The following PRRC2A variants were observed in gnomAD, a reference collection of about 807,000 sequenced individuals.
PRRC2A encodes protein PRRC2A.
In PRRC2A, 59 loss-of-function variants were observed where a neutral mutation model predicts 224.6. The observed-to-expected ratio is 0.26, with a 90% CI of 0.21 to 0.33. The LOEUF (loss-of-function observed/expected upper bound fraction) is 0.33. Among genes scored for constraint, PRRC2A ranks in the 10% least tolerant of loss-of-function variants. The pLI, the probability that PRRC2A is intolerant of heterozygous loss-of-function variation, is 1.00. For synonymous variants in PRRC2A, 1,194 were observed against 1,109.5 expected (o/e 1.08, Z -1.51); for missense variants, 3,095 against 2,880.7 (o/e 1.07, Z -1.70).
chr6:31,634,078 TC>T, intron 18 of PRRC2A, 89 bp downstream of exon 18: 1 of 1,578,158 alleles, frequency 6.3e-7, no homozygotes, highest in Non-Finnish European at 8.6e-7. Flanking sequence ...CTTTCCTGTT[TC>T]TTTCACTGTG....
At position 31,624,301 on chromosome 6, in the gene PRRC2A, C is replaced by T. The variant is rs1775642245; in HGVS notation, c.331C>T (p.Leu111=). 3.7e-6 allele frequency: 6 copies of T among 1,613,904 alleles called. No individual in the cohort carries two copies. The highest frequency in any genetic ancestry group is 5.1e-6 in the Non-Finnish European group (6 of 1,180,024). The part of the protein sequence containing the change: ...STAQPPESQP[L]PASQTPASNQ... ...CGCTCAGCCGCCGGAATCGCAGCCA[C>T]TGCCGGCTTCACAGACGCCTGCCTC... The change falls in exon 4 of 31, where the codon CTG becomes TTG. Residue 111 remains leucine (L), a synonymous_variant. Coordinates refer to ENST00000376033, the MANE Select transcript of PRRC2A (RefSeq NM_004638.4).
rs562193222 is a variant in PRRC2A, at chr6:31,632,084, C to G, written c.3411C>G (p.Leu1137=). 2 of 1,552,748 alleles carry G rather than the reference C, an allele frequency of 1.3e-6. No individual in the cohort carries two copies. The highest frequency in any genetic ancestry group is 1.9e-5 in the Admixed American group (1 of 52,908). ...PKEGTLTQVP[L]APPPPGAPPS... ...AGGGAACACTCACCCAGGTCCCTCT[C>G]GCTCCCCCACCACCAGGAGCCCCAC... is the stretch of plus-strand genomic sequence containing the variant. Residue 1137 remains leucine, a synonymous_variant, in exon 16 of 31, where the codon CTC becomes CTG. Transcript: ENST00000376033.
chr6:31,630,569 T>C, intron 14 of PRRC2A, 22 bp from the exon 15 acceptor site: 1 of 1,613,032 alleles, frequency 6.2e-7, no homozygotes, highest in Non-Finnish European at 8.5e-7. Context: ...GGATTATTTT[T>C]CTTTTTCTTT....
chr6:31,632,972 GCCCTCTCCCAAGAAC>G lies in PRRC2A; in HGVS notation c.4301_4315del (p.Pro1434_Asn1438del). ...CAGGACGAGGCGACAAGAGGAGCTG[GCCCTCTCCCAAGAAC>G]CGAAGGTGGGTAGGAACAAACAAAT... On this transcript the variant is annotated inframe_deletion, in exon 16 of 31. Transcript: ENST00000376033. 1 of 1,586,786 alleles carries G rather than the reference GCCCTCTCCCAAGAAC, an allele frequency of 6.3e-7. No individual in the cohort carries two copies. The highest frequency in any genetic ancestry group is 2.3e-5 in the East Asian group (1 of 44,422).
Position 31,636,787 on chromosome 6 carries a change from C to T in PRRC2A, c.5989C>T (p.Pro1997Ser). 2 of 1,607,836 alleles carry T rather than the reference C, an allele frequency of 1.2e-6. No individual in the cohort carries two copies. The highest frequency in any genetic ancestry group is 8.5e-7 in the Non-Finnish European group (1 of 1,179,996). Residue 1997 changes from proline to serine, a missense_variant, in exon 28 of 31, where the codon CCG (proline) becomes TCG (serine). By Grantham distance (74) the Pro-to-Ser change is moderately conservative (BLOSUM62 -1). Coordinates refer to ENST00000376033, the MANE Select transcript of PRRC2A (RefSeq NM_004638.4). This position sits in a 1 kb window ranked among gnomAD's most constrained non-coding sequence, Gnocchi z 4.3. The stretch of plus-strand genomic sequence containing the variant: ...GCCTGTGGTGAACTTTGGCTCCCTG[C>T]CGCCAGCACCACCTCCTGCCCCACC... ...QLPVVNFGSL[P>S]PAPPPAPPPL...
In PRRC2A at chr6:31,630,623, G is replaced by C; in HGVS notation, c.2287G>C (p.Gly763Arg). 6.2e-7 allele frequency: 1 copy of C among 1,614,102 alleles called. No individual in the cohort carries two copies. Among genetic ancestry groups the C allele is most frequent in the Non-Finnish European group, 8.5e-7 (1 of 1,180,028 alleles). The change falls in exon 15 of 31, where the codon GGC (glycine) becomes CGC (arginine). Residue 763 changes from glycine (G) to arginine (R), a missense_variant. Transcript: ENST00000376033. ...LVPRERSDSG[G>R]SSSEPFDRHA... ...TCCCCGAGAGCGTTCAGACAGTGGG[G>C]GCTCAAGCTCAGAGCCATTTGACCG...
At chr6:31,628,887 C>T (rs940119767) in intron 12 of PRRC2A, 3 of 467,362 alleles carry the variant, frequency 6.4e-6, no homozygotes, top group Non-Finnish European at 1.1e-5. Flanking sequence ...AAAATGAAAA[C>T]TATTTCCTAT....
rs572113666 is a variant in PRRC2A, at chr6:31,634,887, C to T, written c.5070C>T (p.Ser1690=). 12 of 1,613,010 alleles carry T rather than the reference C, an allele frequency of 7.4e-6. No homozygotes were observed. Among genetic ancestry groups the T allele is most frequent in the South Asian group, 5.5e-5 (5 of 91,088 alleles). The change falls in exon 21 of 31, where the codon TCC becomes TCT. Residue 1690 remains serine (S), a synonymous_variant. Coordinates refer to ENST00000376033, the MANE Select transcript of PRRC2A (RefSeq NM_004638.4). ...AEGPPKRPGG[S]SPLNAVPCEG... ...GACCCCCCAAGAGGCCTGGAGGCTC[C>T]TCACCCCTGAATGCTGTTCCTTGTG...
At position 31,635,630 on chromosome 6, in the gene PRRC2A, TCTG is replaced by T; in HGVS notation, c.5426_5428del (p.Ala1809del). ...GGAGCTGCTTCCCAGTGCTGCTGCC[TCTG>T]CTGAGCCACAATCCAAGAACCTGGA... On this transcript the variant is annotated inframe_deletion, in exon 24 of 31. Coordinates refer to ENST00000376033, the MANE Select transcript of PRRC2A (RefSeq NM_004638.4). The T allele has an allele frequency of 6.2e-7, 1 of 1,612,724 alleles. No homozygotes were observed.
Position 31,636,502 on chromosome 6 carries a change from C to A in PRRC2A, c.5836-8C>A. 6.2e-7 allele frequency: 1 copy of A among 1,608,836 alleles called. No individual in the cohort carries two copies. Among genetic ancestry groups the A allele is most frequent in the South Asian group, 1.1e-5 (1 of 90,854 alleles). ...GGGGTTGATATATTTCTCCCTGTTT[C>A]CCGACAGGTACGCCAGGATCTGCCA... On this transcript the variant is annotated splice_polypyrimidine_tract_variant and splice_region_variant and intron_variant, in intron 26 of 30. Coordinates refer to ENST00000376033, the MANE Select transcript of PRRC2A (RefSeq NM_004638.4). The surrounding 1 kb of genome is among the most constrained non-coding windows in gnomAD (Gnocchi z 4.3).
rs746129704 is a variant in PRRC2A, at chr6:31,636,438, T to G, written c.5835+19T>G. 3.1e-6 allele frequency: 5 copies of G among 1,612,364 alleles called. No homozygotes were observed. In the African/African-American group the frequency reaches 6.7e-5, roughly 22 times the overall value. The stretch of plus-strand genomic sequence containing the variant: ...GCTTCAGGTAAGAGGGGGGCAGGTA[T>G]TAGATATTGGGGGATAGGGTAGGGA... On this transcript the variant is annotated intron_variant, in intron 26 of 30. Coordinates refer to ENST00000376033, the MANE Select transcript of PRRC2A (RefSeq NM_004638.4). The surrounding 1 kb of genome is among the most constrained non-coding windows in gnomAD (Gnocchi z 4.3).
Position 31,636,935 on chromosome 6 carries a change from G to T in PRRC2A, c.6137G>T (p.Gly2046Val). The T allele has an allele frequency of 6.2e-7, 1 of 1,612,828 alleles. No homozygotes were observed. The highest frequency in any genetic ancestry group is 8.5e-7 in the Non-Finnish European group (1 of 1,179,902). Residue 2046 changes from glycine (G) to valine (V), a missense_variant, in exon 28 of 31, where the codon GGG becomes GTG. Around this residue, in one of 8 missense-constraint regions of PRRC2A, gnomAD observed 662 missense variants for 609.5 expected, o/e 1.09. Coordinates refer to ENST00000376033, the MANE Select transcript of PRRC2A (RefSeq NM_004638.4). The surrounding 1 kb of genome is among the most constrained non-coding windows in gnomAD (Gnocchi z 4.3). ...SPARPFPASLGRAELHPVELK... is the reference protein window; with the variant it reads ...SPARPFPASLVRAELHPVELK... ...GCCAGGCCCTTCCCCGCTAGCTTGGGGCGAGCAGAGGTAAGGTACAGGAAC... is the reference window on the plus strand; with the variant it reads ...GCCAGGCCCTTCCCCGCTAGCTTGGTGCGAGCAGAGGTAAGGTACAGGAAC...
rs762294274 is a variant in PRRC2A, at chr6:31,636,070, A to T, written c.5624+21A>T. On this transcript the variant is annotated intron_variant, in intron 25 of 30. Transcript: ENST00000376033. This position sits in a 1 kb window ranked among gnomAD's most constrained non-coding sequence, Gnocchi z 4.3. ...TACAGGTAAGACTCGATGCCTGTGGATCACAGAAGTACTTGGAGATGTGTT... is the reference window on the plus strand; with the variant it reads ...TACAGGTAAGACTCGATGCCTGTGGTTCACAGAAGTACTTGGAGATGTGTT... 6.3e-7 allele frequency: 1 copy of T among 1,594,446 alleles called. No homozygotes were observed. Among genetic ancestry groups the T allele is most frequent in the Non-Finnish European group, 8.6e-7 (1 of 1,162,266 alleles).
In PRRC2A at chr6:31,630,747, G is replaced by C. The variant is rs150100255; in HGVS notation, c.2411G>C (p.Arg804Pro). Residue 804 changes from arginine (R) to proline (P), a missense_variant, in exon 15 of 31, where the codon CGC becomes CCC. This residue lies in a region of PRRC2A where 2,001 missense variants were observed against 1,764.9 expected (regional missense o/e 1.13). Coordinates refer to ENST00000376033, the MANE Select transcript of PRRC2A (RefSeq NM_004638.4). The stretch of plus-strand genomic sequence containing the variant: ...TTCACCGCCACACCCGCTGAACCCC[G>C]CCCACTTACCTCACCTCTGCGCCAG... Reference protein sequence around the residue: ...DVFTATPAEPRPLTSPLRQAA... With the variant: ...DVFTATPAEPPPLTSPLRQAA... The C allele has an allele frequency of 8.7e-6, 14 of 1,614,126 alleles. No homozygotes were observed. Among genetic ancestry groups the C allele is most frequent in the Non-Finnish European group, 1.2e-5 (14 of 1,180,016 alleles).
chr6:31,632,512 C>A lies in PRRC2A; in HGVS notation c.3839C>A (p.Pro1280Gln). 1 of 1,608,746 alleles carries A rather than the reference C, an allele frequency of 6.2e-7. No individual in the cohort carries two copies. Among genetic ancestry groups the A allele is most frequent in the Non-Finnish European group, 8.5e-7 (1 of 1,177,226 alleles). The change falls in exon 16 of 31, where the codon CCA becomes CAA. Residue 1280 changes from proline to glutamine, a missense_variant. By Grantham distance (76) the Pro-to-Gln change is moderately conservative. Transcript: ENST00000376033. ...GSEGKPSLTLPASAPGPEEAL... is the reference protein window; with the variant it reads ...GSEGKPSLTLQASAPGPEEAL... ...GAGGGCAAGCCCTCCCTAACCCTTCCAGCCTCCGCTCCTGGACCTGAGGAG... is the reference window on the plus strand; with the variant it reads ...GAGGGCAAGCCCTCCCTAACCCTTCAAGCCTCCGCTCCTGGACCTGAGGAG...
rs1299514928 is a variant in PRRC2A at position 31,630,695 on chromosome 6, C to T, written c.2359C>T (p.Pro787Ser). 1 of 1,614,022 alleles carries T rather than the reference C, an allele frequency of 6.2e-7. No individual in the cohort carries two copies. Among genetic ancestry groups the T allele is most frequent in the East Asian group, 2.2e-5 (1 of 44,890 alleles). The change falls in exon 15 of 31, where the codon CCA becomes TCA. Residue 787 changes from proline to serine, a missense_variant. Pro to Ser is a moderately conservative substitution (Grantham distance 74). Coordinates refer to ENST00000376033, the MANE Select transcript of PRRC2A (RefSeq NM_004638.4). ...LRERGTPPVDPKLAWVGDVFT... is the reference protein window; with the variant it reads ...LRERGTPPVDSKLAWVGDVFT... Reference sequence around the variant, plus strand: ...GGAACGGGGCACTCCACCGGTGGATCCAAAGTTGGCCTGGGTAGGAGATGT... The same window carrying T: ...GGAACGGGGCACTCCACCGGTGGATTCAAAGTTGGCCTGGGTAGGAGATGT...
chr6:31,631,458 C>T lies in PRRC2A; in HGVS notation c.2785C>T (p.Arg929Cys), dbSNP rs762981080. 9 of 1,609,724 alleles carry T rather than the reference C, an allele frequency of 5.6e-6. No homozygotes were observed. Among genetic ancestry groups the T allele is most frequent in the African/African-American group, 1.3e-5 (1 of 74,780 alleles). ...ESRTETRWGP[R>C]PGSSRRGIPP... ...TCGCACAGAGACCCGCTGGGGCCCTCGTCCAGGGAGCAGTCGTCGTGGAAT... is the reference window on the plus strand; with the variant it reads ...TCGCACAGAGACCCGCTGGGGCCCTTGTCCAGGGAGCAGTCGTCGTGGAAT... Residue 929 changes from arginine to cysteine, a missense_variant, in exon 16 of 31, where the codon CGT becomes TGT. Arg to Cys is a radical substitution (Grantham distance 180). Transcript: ENST00000376033. The surrounding 1 kb of genome is among the most constrained non-coding windows in gnomAD (Gnocchi z 4.5).
In PRRC2A at chr6:31,627,131, C is replaced by T; in HGVS notation, c.1223C>T (p.Pro408Leu). ...PPETEPGPPA[P>L]KPPLPPPHRG... ...GAGACAGAGCCGGGACCTCCTGCCC[C>T]AAAGCCTCCCCTACCCCCACCTCAC... is the stretch of plus-strand genomic sequence containing the variant. Residue 408 changes from proline (P) to leucine (L), a missense_variant, in exon 11 of 31, where the codon CCA becomes CTA. This residue lies in a region of PRRC2A where 2,001 missense variants were observed against 1,764.9 expected (regional missense o/e 1.13). Transcript: ENST00000376033. The surrounding 1 kb of genome is among the most constrained non-coding windows in gnomAD (Gnocchi z 5.6). 3.1e-6 allele frequency: 5 copies of T among 1,613,944 alleles called. No individual in the cohort carries two copies. Among genetic ancestry groups the T allele is most frequent in the Non-Finnish European group, 4.2e-6 (5 of 1,179,978 alleles).
In PRRC2A at chr6:31,634,339, C is replaced by T. The variant is rs1777059831; in HGVS notation, c.4823C>T (p.Pro1608Leu). 6.2e-7 allele frequency: 1 copy of T among 1,612,968 alleles called. No individual in the cohort carries two copies. Among genetic ancestry groups the T allele is most frequent in the East Asian group, 2.2e-5 (1 of 44,880 alleles). ...GATACAGGCACAGAGGCCCTGACCC[C>T]TCACATCTGGAACCGTTTACATACT... The part of the protein sequence containing the change: ...SRDTGTEALT[P>L]HIWNRLHTAT... The change falls in exon 19 of 31, where the codon CCT becomes CTT. Residue 1608 changes from proline to leucine, a missense_variant. Pro to Leu is a moderately conservative substitution (Grantham distance 98). Coordinates refer to ENST00000376033, the MANE Select transcript of PRRC2A (RefSeq NM_004638.4).
Sources: gnomAD v4.1 joint callset for allele counts on GRCh38, gnomAD v4.1.1 for gene constraint, gnomAD v4.1.1 regional missense constraint, Gnocchi (gnomAD v3.1) non-coding constraint, MANE v1.5 for transcripts, NCBI Gene and HGNC (gene_info 2026-07-23, HGNC 2026-07-21) for gene names.